SLC16A14: variants seen among roughly 807,000 people sequenced by gnomAD.
SLC16A14 encodes monocarboxylate transporter 14.
In SLC16A14, 14 loss-of-function variants were observed where a neutral mutation model predicts 35.8. The ratio of observed to expected loss-of-function variants is 0.39; its 90% confidence interval spans 0.26 to 0.61. The LOEUF is 0.61. SLC16A14 is among the 20% of genes least tolerant of loss of function. SLC16A14 has a pLI of 0.51. For synonymous variants in SLC16A14, 248 were observed against 258.9 expected (o/e 0.96, Z 0.40); for missense variants, 533 against 655.0 (o/e 0.81, Z 2.03).
intron 4 of SLC16A14, among the ~76,000 whole-genome samples, chr2:230,041,237 T>C (rs1204210132): frequency 6.6e-6 from 1 of 152,220 alleles, no homozygotes; most frequent in Non-Finnish European, 1.5e-5. Flanking sequence ...GGAAGAGATG[T>C]GTGTGGAATA....
At chr2:230,062,123 C>A (rs2077756583) in intron 1 of SLC16A14, among the ~76,000 whole-genome samples, 1 of 152,076 alleles carries the variant, frequency 6.6e-6, no homozygotes, top group South Asian at 2.1e-4. Context: ...CTGACCATTA[C>A]ATGATTATTA....
intron 3 of SLC16A14, among the ~76,000 whole-genome samples, chr2:230,048,556 T>C (rs1010187548): frequency 6.6e-6 from 1 of 152,248 alleles, no homozygotes; most frequent in Non-Finnish European, 1.5e-5. Context: ...AACTGTACTC[T>C]AGATTTGCTT....
intron 4 of SLC16A14, among the ~76,000 whole-genome samples, chr2:230,043,804 T>C (rs569726340): frequency 6.6e-6 from 1 of 152,358 alleles, no homozygotes; most frequent in African/African-American, 2.4e-5. Flanking sequence ...ACCTGGTGTC[T>C]TGGGGCATGA....
intron 2 of SLC16A14, among the ~76,000 whole-genome samples, chr2:230,052,023 G>A (rs1027370398): frequency 1.3e-4 from 19 of 149,938 alleles, no homozygotes; most frequent in Non-Finnish European, 4.4e-5. Context: ...TGCAAGCTCC[G>A]CCTCCCGGGT....
chr2:230,043,642 C>T, intron 4 of SLC16A14, among the ~76,000 whole-genome samples: 1 of 152,252 alleles, frequency 6.6e-6, no homozygotes, highest in Non-Finnish European at 1.5e-5. Flanking sequence ...AAACCTCTAG[C>T]AGCTCTGACA....
Position 230,037,241 on chromosome 2 carries a change from T to G in SLC16A14, c.*139A>C. Reference sequence around the variant, plus strand: ...AGGCAGTGCTGCTTACAAATGAGGCTGTGACAATGGCATTTACAAATGACA... The same window carrying G: ...AGGCAGTGCTGCTTACAAATGAGGCGGTGACAATGGCATTTACAAATGACA... On this transcript the variant is annotated 3_prime_UTR_variant, in exon 5 of 5. Transcript: ENST00000295190. 1 of 679,018 alleles carries G rather than the reference T, an allele frequency of 1.5e-6. No individual in the cohort carries two copies. Among genetic ancestry groups the G allele is most frequent in the Non-Finnish European group, 2.4e-6 (1 of 423,832 alleles). 42.1% of individuals were successfully genotyped at this position (679,018 alleles called of 1,614,324 possible).
chr2:230,059,497 T>C, intron 1 of SLC16A14, 131 bp from the exon 2 acceptor site: 2 of 649,212 alleles, frequency 3.1e-6, no homozygotes, highest in Non-Finnish European at 5.1e-6. Flanking sequence ...AGGTTAATCT[T>C]TGTCACCATA....
intron 1 of SLC16A14, among the ~76,000 whole-genome samples, chr2:230,062,348 CTTTTTTTTTT>C (rs374870184): frequency 7.8e-6 from 1 of 127,680 alleles, no homozygotes; most frequent in Non-Finnish European, 1.6e-5. Context: ...TTGTTTTTAC[CTTTTTTTTTT>C]TTTTTTTTGA....
chr2:230,066,727 C>G, intron 1 of SLC16A14: 1 of 389,232 alleles, frequency 2.6e-6, no homozygotes, highest in South Asian at 1.8e-5. Context: ...TTCCGCCTCC[C>G]GAGTTCAAGC....
Position 230,059,155 on chromosome 2 carries a change from G to A in SLC16A14, c.198C>T (p.His66=), listed in dbSNP as rs2077730648. ...VLNVEWLEEF[H]QSRGLTAWVS... ...CCCAGGCGGTCAGGCCGCGGCTCTGGTGGAATTCTTCCAGCCATTCCACGT... is the reference window on the plus strand; with the variant it reads ...CCCAGGCGGTCAGGCCGCGGCTCTGATGGAATTCTTCCAGCCATTCCACGT... The change falls in exon 2 of 5, where the codon CAC becomes CAT. Residue 66 remains histidine, a synonymous_variant. Transcript: ENST00000295190. 4 of 1,614,062 alleles carry A rather than the reference G, an allele frequency of 2.5e-6. No homozygotes were observed. Among genetic ancestry groups the A allele is most frequent in the Non-Finnish European group, 8.5e-7 (1 of 1,180,046 alleles).
chr2:230,046,648 C>T lies in SLC16A14; in HGVS notation c.478G>A (p.Ala160Thr), dbSNP rs1406286210. 1.9e-6 allele frequency: 3 copies of T among 1,608,014 alleles called. No individual in the cohort carries two copies. The highest frequency in any genetic ancestry group is 1.7e-6 in the Non-Finnish European group (2 of 1,180,006). ...GTCCCCGTGGTGCTGAGGCCCTGGG[C>T]GAGGGCGCGTCTCTTCTGGAAATAC... ...GRYFQKRRALAQGLSTTGTGF... is the reference protein window; with the variant it reads ...GRYFQKRRALTQGLSTTGTGF... Residue 160 changes from alanine to threonine, a missense_variant, in exon 4 of 5, where the codon GCC becomes ACC. Coordinates refer to ENST00000295190, the MANE Select transcript of SLC16A14 (RefSeq NM_152527.5). The surrounding 1 kb of genome is among the most constrained non-coding windows in gnomAD (Gnocchi z 5.0).
chr2:230,050,950 T>C (rs2077655065), intron 2 of SLC16A14, among the ~76,000 whole-genome samples: 1 of 152,162 alleles, frequency 6.6e-6, no homozygotes, highest in Non-Finnish European at 1.5e-5. Context: ...GATACCCAGA[T>C]TGAAACCAAG....
rs1266889522 is a variant in SLC16A14 at position 230,036,577 on chromosome 2, T to C, written c.*803A>G. The C allele has an allele frequency of 1.3e-5, 2 of 152,240 alleles. No individual in the cohort carries two copies. The highest frequency in any genetic ancestry group is 1.3e-4 in the Admixed American group (2 of 15,278). 9.4% of individuals were successfully genotyped at this position (152,240 alleles called of 1,614,324 possible). ...TATTACAGGCCCCACCTCATGCTTA[T>C]ATCATCTAAGAGGCCAATGATACGA... On this transcript the variant is annotated 3_prime_UTR_variant, in exon 5 of 5. Coordinates refer to ENST00000295190, the MANE Select transcript of SLC16A14 (RefSeq NM_152527.5).
intron 2 of SLC16A14, 45 bp downstream of exon 2, chr2:230,059,049 A>G: frequency 1.3e-6 from 2 of 1,529,380 alleles, no homozygotes; most frequent in Middle Eastern, 1.8e-4. Flanking sequence ...GGGAATTGTC[A>G]TTTGATAACG....
intron 4 of SLC16A14, among the ~76,000 whole-genome samples, chr2:230,040,214 C>CATTATTATTATTATTATTATT (rs138263085): frequency 1.3e-5 from 2 of 150,420 alleles, no homozygotes; most frequent in Non-Finnish European, 3.0e-5. Context: ...AAATTGAATT[C>CATTATTATTATTATTATTATT]ATTATTATTA....
chr2:230,046,787 C>A lies in SLC16A14; in HGVS notation c.404-65G>T. ...CATCAGTGGCCATATCCAGAATTCG[C>A]AGCAAAGATCACCTGCATTTCCTTA... On this transcript the variant is annotated intron_variant, in intron 3 of 4. Coordinates refer to ENST00000295190, the MANE Select transcript of SLC16A14 (RefSeq NM_152527.5). This position sits in a 1 kb window ranked among gnomAD's most constrained non-coding sequence, Gnocchi z 5.0. 6.7e-7 allele frequency: 1 copy of A among 1,493,982 alleles called. No homozygotes were observed. Among genetic ancestry groups the A allele is most frequent in the African/African-American group, 1.4e-5 (1 of 71,988 alleles). 92.5% of individuals were successfully genotyped at this position (1,493,982 alleles called of 1,614,324 possible).
rs138535960 is a variant in SLC16A14 at position 230,060,551 on chromosome 2, A to C, written c.-14-1185T>G. Reference sequence around the variant, plus strand: ...TGTATGTATGTATGTATGGAGAGACAGGATCTCACTATGTTGCCCAAGCTG... The same window carrying C: ...TGTATGTATGTATGTATGGAGAGACCGGATCTCACTATGTTGCCCAAGCTG... On this transcript the variant is annotated intron_variant, in intron 1 of 4. Transcript: ENST00000295190. Among the ~76,000 whole-genome samples, 47 of 152,166 alleles carry C rather than the reference A, an allele frequency of 3.1e-4. No individual in the cohort carries two copies. In the East Asian group the frequency reaches 9.1e-3, roughly 29 times the overall value.
intron 4 of SLC16A14, among the ~76,000 whole-genome samples, 200 bp from the exon 5 acceptor site, chr2:230,037,731 T>A (rs1451279627): frequency 6.6e-6 from 1 of 152,170 alleles, no homozygotes; most frequent in African/African-American, 2.4e-5. Flanking sequence ...ATTTAGCCAT[T>A]TTAAAGGGTG....
chr2:230,043,311 G>A (rs924481900), intron 4 of SLC16A14, among the ~76,000 whole-genome samples: 8 of 152,182 alleles, frequency 5.3e-5, no homozygotes, highest in Non-Finnish European at 1.2e-4. Flanking sequence ...CCGCTGTACA[G>A]GCAAAAATCT....
Sources: allele counts gnomAD v4.1 joint callset (sites outside exome capture counted in the v4.1 genomes callset), GRCh38; gene constraint gnomAD v4.1.1; non-coding constraint Gnocchi (gnomAD v3.1); transcripts MANE v1.5; gene names NCBI Gene and HGNC (gene_info 2026-07-23, HGNC 2026-07-21).